Variants in PDE11A observed in about 807,000 individuals in gnomAD.
PDE11A encodes the protein dual 3',5'-cyclic-AMP and -GMP phosphodiesterase 11A.
In PDE11A, 100 loss-of-function variants were observed where a neutral mutation model predicts 100.5. The observed-to-expected ratio is 1.00, with a 90% CI of 0.85 to 1.18. The LOEUF (loss-of-function observed/expected upper bound fraction) is 1.18. PDE11A is among the 50% of genes most tolerant of loss of function. The pLI, the probability that PDE11A is intolerant of heterozygous loss-of-function variation, is 0.00. For missense variants in PDE11A, 1,141 were observed against 1,152.6 expected, an observed-to-expected ratio of 0.99 and a Z score of 0.15; for synonymous variants, 381 against 420.8, an observed-to-expected ratio of 0.91 and a Z score of 1.16.
At chr2:177,855,372 T>C (rs74414943) in intron 5 of PDE11A, among the ~76,000 whole-genome samples, 3,475 of 152,084 alleles carry the variant, frequency 0.023, 116 homozygotes, top group African/African-American at 0.08. Context: ...CTAGCAAAAA[T>C]TGTCAAAATC....
intron 12 of PDE11A, among the ~76,000 whole-genome samples, chr2:177,722,320 G>A (rs2081542240): frequency 6.6e-6 from 1 of 152,168 alleles, no homozygotes; most frequent in Non-Finnish European, 1.5e-5. Flanking sequence ...TGGTGCGGGA[G>A]AATTTATTTT....
chr2:177,875,751 T>A, intron 5 of PDE11A, 108 bp downstream of exon 5: 1 of 770,794 alleles, frequency 1.3e-6, no homozygotes, highest in Non-Finnish European at 2.4e-6. Context: ...GATATTTGGT[T>A]GTGCTTGCTA....
At chr2:178,027,967 A>C (rs547883311) in intron 1 of PDE11A, among the ~76,000 whole-genome samples, 1 of 152,336 alleles carries the variant, frequency 6.6e-6, no homozygotes, top group African/African-American at 2.4e-5. Flanking sequence ...TAAGTTTGTA[A>C]AAGATTGCTG....
intron 14 of PDE11A, among the ~76,000 whole-genome samples, chr2:177,699,166 AGAT>A (rs1273374238): frequency 6.6e-6 from 1 of 152,198 alleles, no homozygotes; most frequent in African/African-American, 2.4e-5. Flanking sequence ...ACACAAAACT[AGAT>A]GATACAGCCT....
intron 5 of PDE11A, among the ~76,000 whole-genome samples, chr2:177,857,391 A>T (rs544180433): frequency 5.3e-5 from 8 of 152,174 alleles, no homozygotes. Context: ...TTTATAAGTA[A>T]ATATGAAAGA....
chr2:177,750,961 A>G (rs1258131348), intron 10 of PDE11A, among the ~76,000 whole-genome samples: 4 of 152,036 alleles, frequency 2.6e-5, no homozygotes, highest in Non-Finnish European at 5.9e-5. Context: ...ACTGCCCAAC[A>G]TTTTTTAAAT....
chr2:177,768,724 C>T (rs890277920), intron 10 of PDE11A, among the ~76,000 whole-genome samples: 2 of 152,126 alleles, frequency 1.3e-5, no homozygotes, highest in Non-Finnish European at 2.9e-5. Flanking sequence ...TCACTCTGTG[C>T]GGTAGTGAAG....
intron 1 of PDE11A, among the ~76,000 whole-genome samples, chr2:178,042,529 A>G (rs2086697299): frequency 1.3e-5 from 2 of 151,980 alleles, no homozygotes; most frequent in South Asian, 2.1e-4. Flanking sequence ...TATTTGATCT[A>G]TTTCATGTTC....
chr2:177,835,980 C>T (rs963003178), intron 6 of PDE11A, among the ~76,000 whole-genome samples: 5 of 152,300 alleles, frequency 3.3e-5, no homozygotes, highest in African/African-American at 1.2e-4. Flanking sequence ...CTGTGCTGCC[C>T]GAGCCTCCCC....
At chr2:178,049,877 C>T (rs1161224829) in intron 1 of PDE11A, among the ~76,000 whole-genome samples, 2 of 152,292 alleles carry the variant, frequency 1.3e-5, no homozygotes, top group South Asian at 2.1e-4. Context: ...TAGAGCCCAC[C>T]GCAGCTCAAG....
intron 5 of PDE11A, among the ~76,000 whole-genome samples, chr2:177,863,982 C>T (rs2083987911): frequency 6.6e-6 from 1 of 151,946 alleles, no homozygotes; most frequent in African/African-American, 2.4e-5. Context: ...TGAATATTAT[C>T]AAGTGGTACA....
rs1192449920 is a variant in PDE11A, at chr2:178,072,244, G to T, written c.194C>A (p.Thr65Asn). The stretch of plus-strand genomic sequence containing the variant: ...ACCAACGCTGCTGCCACCTCTGCAG[G>T]TGCTGTGAGCCAAGCTGCTGGTACC... The part of the protein sequence containing the change: ...LAGTSSLAHS[T>N]CRGGSSVGGG... Residue 65 changes from threonine to asparagine, a missense_variant, in exon 1 of 20, where the codon ACC becomes AAC. Thr to Asn is a moderately conservative substitution (Grantham distance 65). Transcript: ENST00000286063. The T allele has an allele frequency of 6.2e-7, 1 of 1,613,544 alleles. No homozygotes were observed. The highest frequency in any genetic ancestry group is 8.5e-7 in the Non-Finnish European group (1 of 1,179,686).
chr2:178,104,768 T>C (rs2105890544), intron 1 of PDE11A, among the ~76,000 whole-genome samples: 1 of 152,334 alleles, frequency 6.6e-6, no homozygotes, highest in Non-Finnish European at 1.5e-5. Context: ...ACTTCAGCCT[T>C]CAAAGAATTA....
intron 2 of PDE11A, among the ~76,000 whole-genome samples, chr2:177,947,254 G>A (rs1156422909): frequency 2.3e-5 from 3 of 129,936 alleles, no homozygotes; most frequent in East Asian, 2.4e-4. Flanking sequence ...CCACCACCCC[G>A]TCTGGGAGGT....
At chr2:177,850,847 C>T (rs987868458) in intron 5 of PDE11A, among the ~76,000 whole-genome samples, 6 of 152,108 alleles carry the variant, frequency 3.9e-5, no homozygotes, top group Non-Finnish European at 8.8e-5. Context: ...TACCATCTCA[C>T]ACCAGTTAGA....
rs897024265 is a variant in PDE11A at position 178,028,552 on chromosome 2, G to A, written c.913-14092C>T. ...GCCAGACACACTGGAGAAATGAGTC[G>A]GCATGTTTATTGGCACTCTCATCTA... On this transcript the variant is annotated intron_variant, in intron 1 of 19. Coordinates refer to ENST00000286063, the MANE Select transcript of PDE11A (RefSeq NM_016953.4). Among the ~76,000 whole-genome samples the A allele has an allele frequency of 9.2e-5, 14 of 152,240 alleles. No individual in the cohort carries two copies. In the East Asian group the frequency reaches 2.3e-3, roughly 25 times the overall value.
chr2:178,009,142 T>A (rs1233148393), intron 2 of PDE11A, among the ~76,000 whole-genome samples: 1 of 152,182 alleles, frequency 6.6e-6, no homozygotes, highest in Non-Finnish European at 1.5e-5. Flanking sequence ...TCTTAATAGA[T>A]CACAAATGTT....
intron 6 of PDE11A, among the ~76,000 whole-genome samples, chr2:177,832,334 G>A (rs969941852): frequency 9.2e-5 from 14 of 152,166 alleles, no homozygotes; most frequent in Non-Finnish European, 1.5e-4. Flanking sequence ...TCAGCTGCCA[G>A]CACAGATAGA....
At chr2:177,654,883 C>T (rs1047466890) in intron 19 of PDE11A, among the ~76,000 whole-genome samples, 3 of 151,940 alleles carry the variant, frequency 2.0e-5, no homozygotes, top group Non-Finnish European at 2.9e-5. Flanking sequence ...CGAAGAGAGA[C>T]GAAGAAGAGA....
Sources: gnomAD v4.1 joint callset for allele counts (sites outside exome capture counted in the v4.1 genomes callset) on GRCh38, gnomAD v4.1.1 for gene constraint, MANE v1.5 for transcripts, NCBI Gene and HGNC (gene_info 2026-07-23, HGNC 2026-07-21) for gene names.